SPIDR: variants seen among roughly 807,000 people sequenced by gnomAD.
SPIDR encodes the protein DNA repair-scaffolding protein.
A neutral mutation model predicts 104.6 loss-of-function variants in SPIDR; 93 were observed. That is an observed-to-expected ratio of 0.89 (90% CI 0.75 to 1.06). The LOEUF (loss-of-function observed/expected upper bound fraction) is 1.06, where lower values mean the gene tolerates loss of function less well. Ranked by LOEUF, SPIDR falls within the 50% of genes least tolerant of loss-of-function variation. The pLI, the probability that SPIDR is intolerant of heterozygous loss-of-function variation, is 0.00. For synonymous variants in SPIDR, 431 were observed against 416.9 expected, an observed-to-expected ratio of 1.03 and a Z score of -0.41; for missense variants, 1,154 against 1,111.2, an observed-to-expected ratio of 1.04 and a Z score of -0.55.
chr8:47,370,640 GGGTTTC>G (rs1587826528), intron 5 of SPIDR, among the ~76,000 whole-genome samples: 2 of 151,298 alleles, frequency 1.3e-5, no homozygotes, highest in East Asian at 3.9e-4. Flanking sequence ...AATAGAGACA[GGGTTTC>G]ACCATGTTGG....
intron 19 of SPIDR, among the ~76,000 whole-genome samples, chr8:47,732,912 T>C (rs2085499543): frequency 6.6e-6 from 1 of 152,234 alleles, no homozygotes; most frequent in Non-Finnish European, 1.5e-5. Context: ...AGTAACATTA[T>C]TGTGGCATGG....
intron 8 of SPIDR, among the ~76,000 whole-genome samples, chr8:47,500,271 T>C (rs900973373): frequency 3.9e-5 from 6 of 152,172 alleles, no homozygotes; most frequent in African/African-American, 1.4e-4. Context: ...AGTGTAAAAG[T>C]GTTCCTATTT....
intron 5 of SPIDR, among the ~76,000 whole-genome samples, chr8:47,360,244 CAAAAAAAAA>C (rs1186187617): frequency 1.5e-4 from 6 of 38,960 alleles, no homozygotes; most frequent in Non-Finnish European, 2.0e-4. Context: ...GACTCCATCT[CAAAAAAAAA>C]AAAAAAAAAA....
chr8:47,701,676 C>A, intron 12 of SPIDR, 45 bp from the exon 13 acceptor site: 2 of 1,583,960 alleles, frequency 1.3e-6, no homozygotes, highest in Non-Finnish European at 1.7e-6. Context: ...CTTTTTGAGT[C>A]TTTTAACAAT....
intron 10 of SPIDR, among the ~76,000 whole-genome samples, chr8:47,658,029 C>CAAAAAAAAAAAAAAAAAAAAA (rs34648437): frequency 7.9e-5 from 6 of 76,038 alleles, no homozygotes; most frequent in Non-Finnish European, 1.2e-4. Context: ...GACCCTGTCT[C>CAAAAAAAAAAAAAAAAAAAAA]AAAAAAAAAA....
At chr8:47,454,016 T>G (rs1489951699) in intron 8 of SPIDR, among the ~76,000 whole-genome samples, 2 of 152,182 alleles carry the variant, frequency 1.3e-5, no homozygotes, top group Non-Finnish European at 2.9e-5. Flanking sequence ...GGAACACTTT[T>G]ACAGCATTGG....
intron 5 of SPIDR, among the ~76,000 whole-genome samples, chr8:47,363,142 G>T (rs978662016): frequency 1.3e-5 from 2 of 150,116 alleles, no homozygotes; most frequent in Admixed American, 1.3e-4. Context: ...TGTAGCAAAA[G>T]CATCTCTGAG....
At chr8:47,294,389 T>G (rs1554571462) in intron 5 of SPIDR, 1 of 202,268 alleles carries the variant, frequency 4.9e-6, no homozygotes, top group African/African-American at 2.3e-5. Context: ...CCACGAGTCC[T>G]CTCCCAGTGG....
At chr8:47,493,832 T>A (rs2079071242) in intron 8 of SPIDR, among the ~76,000 whole-genome samples, 1 of 152,218 alleles carries the variant, frequency 6.6e-6, no homozygotes, top group Admixed American at 6.5e-5. Context: ...CCTTAGGAGC[T>A]GGATATTTAC....
rs962730828 is a variant in SPIDR at position 47,440,466 on chromosome 8, A to G, written c.1021A>G (p.Lys341Glu). The change falls in exon 8 of 20, where the codon AAA (lysine) becomes GAA (glutamate). Residue 341 changes from lysine to glutamate, a missense_variant. Physicochemically the swap from Lys to Glu is moderately conservative, Grantham distance 56. Transcript: ENST00000297423. ...GGCTCCCAGGCCTGGAGCTGGCCTG[A>G]AAGTTCTCTTCACCAAGGAGACTGC... ...SVAPRPGAGL[K>E]VLFTKETAGY... 1.2e-6 allele frequency: 2 copies of G among 1,614,186 alleles called. No homozygotes were observed. The highest frequency in any genetic ancestry group is 1.7e-6 in the Non-Finnish European group (2 of 1,180,018).
At chr8:47,391,936 C>G (rs567556935) in intron 5 of SPIDR, among the ~76,000 whole-genome samples, 1 of 144,408 alleles carries the variant, frequency 6.9e-6, no homozygotes, top group East Asian at 2.0e-4. Flanking sequence ...GCGGAGCTTG[C>G]AGTGAGCCGA....
intron 10 of SPIDR, among the ~76,000 whole-genome samples, chr8:47,617,530 A>G (rs1316236289): frequency 6.6e-6 from 1 of 152,246 alleles, no homozygotes; most frequent in Non-Finnish European, 1.5e-5. Flanking sequence ...CATTAGGGCC[A>G]TCAAAAGATG....
chr8:47,558,591 G>A (rs1002776907), intron 8 of SPIDR, among the ~76,000 whole-genome samples: 1 of 151,894 alleles, frequency 6.6e-6, no homozygotes, highest in Non-Finnish European at 1.5e-5. Context: ...TTTGTGAATG[G>A]TGATTGTCTT....
chr8:47,727,973 T>C (rs1484279424), intron 17 of SPIDR, among the ~76,000 whole-genome samples: 1 of 151,456 alleles, frequency 6.6e-6, no homozygotes, highest in African/African-American at 2.4e-5. Context: ...AAACATTAGC[T>C]GGGCATGGTG....
chr8:47,561,423 C>T (rs1196185634), intron 8 of SPIDR, among the ~76,000 whole-genome samples: 2 of 152,218 alleles, frequency 1.3e-5, no homozygotes, highest in African/African-American at 4.8e-5. Context: ...ACGCCTCCCT[C>T]AACCACTTGA....
chr8:47,701,300 C>T (rs919228553), intron 12 of SPIDR, among the ~76,000 whole-genome samples: 2 of 152,162 alleles, frequency 1.3e-5, no homozygotes, highest in Non-Finnish European at 1.5e-5. Context: ...GGCATTGTGG[C>T]TCATGGCTGT....
chr8:47,439,999 G>T (rs2069096031), intron 7 of SPIDR, among the ~76,000 whole-genome samples: 1 of 152,246 alleles, frequency 6.6e-6, no homozygotes, highest in African/African-American at 2.4e-5. Context: ...AAGGATTTCA[G>T]ACTTGGAGTA....
At chr8:47,474,375 G>A (rs1554722635) in intron 8 of SPIDR, among the ~76,000 whole-genome samples, 2 of 152,168 alleles carry the variant, frequency 1.3e-5, no homozygotes, top group African/African-American at 2.4e-5. Context: ...TAAATATGCT[G>A]TCTTTAGCTG....
At chr8:47,313,337 A>G (rs1331946332) in intron 5 of SPIDR, among the ~76,000 whole-genome samples, 5 of 152,208 alleles carry the variant, frequency 3.3e-5, no homozygotes, top group Admixed American at 6.5e-5. Context: ...TAAAATACCT[A>G]GGAATCCAAA....
Sources: gnomAD v4.1 joint callset for allele counts (sites outside exome capture counted in the v4.1 genomes callset) on GRCh38, gnomAD v4.1.1 for gene constraint, MANE v1.5 for transcripts, NCBI Gene and HGNC (gene_info 2026-07-23, HGNC 2026-07-21) for gene names.